GABRA1: variants seen among roughly 807,000 people sequenced by gnomAD.
GABRA1 encodes gamma-aminobutyric acid type A receptor subunit alpha1.
GABRA1 carries 9 observed loss-of-function variants against 48.9 expected under a neutral mutation model. The ratio of observed to expected loss-of-function variants is 0.18; its 90% CI spans 0.11 to 0.32. The LOEUF (loss-of-function observed/expected upper bound fraction) is 0.32. GABRA1 is among the 10% of genes least tolerant of loss of function. The pLI, the probability that GABRA1 is intolerant of heterozygous loss-of-function variation, is 1.00. For missense variants in GABRA1, 285 were observed against 553.8 expected (o/e 0.51, Z 4.87); for synonymous variants, 210 against 198.7 (o/e 1.06, Z -0.48).
intron 3 of GABRA1, among the ~76,000 whole-genome samples, chr5:161,854,567 A>G (rs1757575186): frequency 6.6e-6 from 1 of 151,700 alleles, no homozygotes; most frequent in Admixed American, 6.6e-5. Flanking sequence ...CTGGGATAAT[A>G]TTCTATCTTC....
chr5:161,890,213 G>A (rs1755027658), intron 7 of GABRA1, among the ~76,000 whole-genome samples: 1 of 152,028 alleles, frequency 6.6e-6, no homozygotes, highest in South Asian at 2.1e-4. Context: ...TAGGAATTGG[G>A]ACAAACTCAA....
At chr5:161,893,606 G>A (rs1321319286) in intron 8 of GABRA1, among the ~76,000 whole-genome samples, 1 of 152,160 alleles carries the variant, frequency 6.6e-6, no homozygotes, top group Admixed American at 6.5e-5. Context: ...TTGTGCCTTA[G>A]AAGACCATAT....
intron 1 of GABRA1, chr5:161,850,541 T>C: frequency 1.7e-6 from 1 of 579,520 alleles, no homozygotes; most frequent in Non-Finnish European, 3.1e-6. Context: ...TGAGCAATAC[T>C]GTCACCTGAA....
intron 8 of GABRA1, among the ~76,000 whole-genome samples, chr5:161,893,539 G>A (rs1755220421): frequency 6.6e-6 from 1 of 152,096 alleles, no homozygotes; most frequent in African/African-American, 2.4e-5. Flanking sequence ...AACAAAAGTT[G>A]TACTTTATAA....
chr5:161,889,935 T>C (rs1755015730), intron 7 of GABRA1, among the ~76,000 whole-genome samples: 1 of 152,046 alleles, frequency 6.6e-6, no homozygotes, highest in South Asian at 2.1e-4. Flanking sequence ...GAATCGCACA[T>C]GTGAAAGATC....
intron 6 of GABRA1, among the ~76,000 whole-genome samples, chr5:161,878,454 A>G (rs1191012581): frequency 1.3e-5 from 2 of 152,218 alleles, no homozygotes; most frequent in African/African-American, 4.8e-5. Flanking sequence ...TTCGAAGTAA[A>G]CACCTTGCCG....
At chr5:161,882,445 G>A in intron 6 of GABRA1, 113 bp from the exon 7 acceptor site, 3 of 1,008,660 alleles carry the variant, frequency 3.0e-6, no homozygotes, top group Non-Finnish European at 4.7e-6. Context: ...ATCTTTCCTA[G>A]CCTGCCCTCT....
At chr5:161,869,744 T>C (rs753203449) in intron 4 of GABRA1, among the ~76,000 whole-genome samples, 3 of 152,278 alleles carry the variant, frequency 2.0e-5, no homozygotes, top group East Asian at 1.9e-4. Context: ...ACCTACACTA[T>C]TGAACAGAGC....
intron 7 of GABRA1, 119 bp from the exon 8 acceptor site, chr5:161,890,779 A>T: frequency 1.1e-6 from 1 of 889,198 alleles, no homozygotes; most frequent in Non-Finnish European, 1.8e-6. Flanking sequence ...CAAGAACTGG[A>T]TGTCACATGG....
intron 7 of GABRA1, among the ~76,000 whole-genome samples, chr5:161,886,527 T>C (rs964140882): frequency 6.6e-6 from 1 of 151,898 alleles, no homozygotes. Context: ...TCTCAGCACT[T>C]TGGGAGGCTG....
At chr5:161,852,404 T>G (rs1440060384) in intron 2 of GABRA1, among the ~76,000 whole-genome samples, 1 of 152,084 alleles carries the variant, frequency 6.6e-6, no homozygotes, top group African/African-American at 2.4e-5. Flanking sequence ...TCTTATTGTA[T>G]TGCTTTCTTC....
chr5:161,851,002 C>T, intron 2 of GABRA1, 118 bp downstream of exon 2: 2 of 816,712 alleles, frequency 2.4e-6, no homozygotes, highest in Non-Finnish European at 4.2e-6. Flanking sequence ...GAAAACTTAA[C>T]TGCAATAATT....
At chr5:161,888,727 T>C (rs1233833803) in intron 7 of GABRA1, among the ~76,000 whole-genome samples, 1 of 152,014 alleles carries the variant, frequency 6.6e-6, no homozygotes, top group Non-Finnish European at 1.5e-5. Context: ...TTTGGGAAAA[T>C]TGTTTTTCTA....
intron 7 of GABRA1, among the ~76,000 whole-genome samples, chr5:161,884,235 A>G (rs78611674): frequency 0.037 from 5,587 of 152,232 alleles, 116 homozygotes; most frequent in South Asian, 0.057. Flanking sequence ...ATGTTGGAAA[A>G]GATATGAAAG....
In GABRA1 at chr5:161,853,224, G is replaced by A. The variant is rs146592208; in HGVS notation, c.75-934G>A. Among the ~76,000 whole-genome samples, 301 of 151,900 alleles carry A rather than the reference G, an allele frequency of 2.0e-3. 2 individuals are homozygous for A. The highest frequency in any genetic ancestry group is 3.4e-3 in the Middle Eastern group (1 of 294). ...CATAGATAGCAATGTGATTGATGTA[G>A]GAAATACACAATTTTTGAACTGAGG... On this transcript the variant is annotated intron_variant, in intron 2 of 9. Transcript: ENST00000393943.
intron 2 of GABRA1, among the ~76,000 whole-genome samples, chr5:161,852,082 C>T (rs949668240): frequency 1.3e-5 from 2 of 151,726 alleles, no homozygotes; most frequent in South Asian, 2.1e-4. Flanking sequence ...TAAAACTTGA[C>T]ATAGTAAGTT....
At chr5:161,868,327 A>G (rs1753961374) in intron 4 of GABRA1, among the ~76,000 whole-genome samples, 1 of 152,168 alleles carries the variant, frequency 6.6e-6, no homozygotes, top group South Asian at 2.1e-4. Flanking sequence ...AACCTCCAGC[A>G]TGGAAGAGCA....
rs541504060 is a variant in GABRA1, at chr5:161,897,823, G to A, written c.*401G>A. 3.0e-4 allele frequency: 48 copies of A among 160,570 alleles called. No individual in the cohort carries two copies. Among genetic ancestry groups the A allele is most frequent in the Non-Finnish European group, 4.5e-4 (33 of 73,624 alleles). The allele number at this position is 160,570 out of a possible 1,614,324, so 9.9% of individuals were successfully genotyped here. ...ATGTCAAAAATATTTTTATGTGAAG[G>A]TGTTTCAAAGGGTAAATTATAAATG... is the stretch of plus-strand genomic sequence containing the variant. On this transcript the variant is annotated 3_prime_UTR_variant, in exon 10 of 10. Transcript: ENST00000393943.
At chr5:161,865,640 A>T (rs1474770131) in intron 3 of GABRA1, 81 bp from the exon 4 acceptor site, 1 of 1,087,378 alleles carries the variant, frequency 9.2e-7, no homozygotes, top group African/African-American at 1.6e-5. Flanking sequence ...TCAATTTCCC[A>T]TTTGGGTGTC....
Sources: allele counts gnomAD v4.1 joint callset (sites outside exome capture counted in the v4.1 genomes callset), GRCh38; gene constraint gnomAD v4.1.1; transcripts MANE v1.5; gene names NCBI Gene and HGNC (gene_info 2026-07-23, HGNC 2026-07-21).